Variants in TNKS observed in about 807,000 individuals in gnomAD.
TNKS encodes tankyrase, also known as poly [ADP-ribose] polymerase tankyrase-1.
Under a neutral mutation model 135.8 loss-of-function variants are expected in TNKS, and 72 were observed. The observed-to-expected ratio is 0.53, with a 90% CI of 0.44 to 0.64. The LOEUF is 0.64. TNKS is among the 30% of genes least tolerant of loss of function. The pLI is 0.00. For missense variants in TNKS, 1,769 were observed against 1,674.0 expected, an observed-to-expected ratio of 1.06 and a Z score of -0.99; for synonymous variants, 849 against 649.3, an observed-to-expected ratio of 1.31 and a Z score of -4.68.
At chr8:9,563,143 C>A (rs1189679837) in intron 1 of TNKS, among the ~76,000 whole-genome samples, 1 of 151,934 alleles carries the variant, frequency 6.6e-6, no homozygotes, top group African/African-American at 2.4e-5. Flanking sequence ...TAAGTTCATT[C>A]GCCATGTTAT....
At chr8:9,722,453 G>A (rs551593130) in intron 12 of TNKS, 2 of 151,372 alleles carry the variant, frequency 1.3e-5, no homozygotes, top group African/African-American at 4.9e-5. Flanking sequence ...CTTGAGACGG[G>A]AAGATTTAGA....
At chr8:9,648,015 A>T (rs948602773) in intron 3 of TNKS, among the ~76,000 whole-genome samples, 22 of 152,208 alleles carry the variant, frequency 1.4e-4, no homozygotes, top group African/African-American at 5.3e-4. Context: ...GAAAAGGTAC[A>T]GTAAAAATAT....
chr8:9,580,881 A>G (rs1358477452), intron 2 of TNKS, among the ~76,000 whole-genome samples: 1 of 152,206 alleles, frequency 6.6e-6, no homozygotes, highest in Non-Finnish European at 1.5e-5. Flanking sequence ...AGCAATTTCA[A>G]ACAAATTGGA....
chr8:9,729,937 C>T (rs770448482), intron 13 of TNKS, among the ~76,000 whole-genome samples: 1 of 151,858 alleles, frequency 6.6e-6, no homozygotes, highest in Non-Finnish European at 1.5e-5. Flanking sequence ...CCACCATGCC[C>T]AGCTAATTTT....
chr8:9,714,852 A>G (rs1411436966), intron 11 of TNKS, among the ~76,000 whole-genome samples: 1 of 152,222 alleles, frequency 6.6e-6, no homozygotes, highest in East Asian at 1.9e-4. Context: ...ACAGAAAGAC[A>G]TTTAATAAAA....
intron 5 of TNKS, among the ~76,000 whole-genome samples, chr8:9,693,904 G>C (rs985263300): frequency 6.6e-6 from 1 of 152,174 alleles, no homozygotes; most frequent in African/African-American, 2.4e-5. Context: ...GTGACCAACC[G>C]TCTTAGTTTG....
At chr8:9,599,802 AG>A (rs1221881914) in intron 2 of TNKS, among the ~76,000 whole-genome samples, 3 of 151,584 alleles carry the variant, frequency 2.0e-5, no homozygotes, top group East Asian at 1.9e-4. Context: ...AAAAAAAAAA[AG>A]TCTTGATTTT....
At chr8:9,765,671 C>G in intron 23 of TNKS, 21 bp from the exon 24 acceptor site, 1 of 1,593,356 alleles carries the variant, frequency 6.3e-7, no homozygotes, top group Non-Finnish European at 8.6e-7. Flanking sequence ...GATAATGTTT[C>G]TTTCTTCTTC....
chr8:9,645,558 A>G (rs1800889632), intron 3 of TNKS, among the ~76,000 whole-genome samples: 1 of 152,128 alleles, frequency 6.6e-6, no homozygotes, highest in Non-Finnish European at 1.5e-5. Flanking sequence ...GGATTTTAAA[A>G]GATTTGCAGG....
In TNKS at chr8:9,715,884, T is replaced by G. The variant is rs563227702; in HGVS notation, c.1750-4490T>G. ...AAAGACATGAAGACTTTATCCTTCA[T>G]GTGGCAATTTTTTCTTTATTATGGT... On this transcript the variant is annotated intron_variant, in intron 11 of 26. Coordinates refer to ENST00000310430, the MANE Select transcript of TNKS (RefSeq NM_003747.3). Among the ~76,000 whole-genome samples, 21 of 152,314 alleles carry G rather than the reference T, an allele frequency of 1.4e-4. 2 individuals are homozygous for G. Among genetic ancestry groups the G allele is most frequent in the African/African-American group, 5.1e-4 (21 of 41,578 alleles).
In TNKS at chr8:9,781,005, T is replaced by C. The variant is rs1225732687; in HGVS notation, c.*4269T>C. The C allele has an allele frequency of 2.0e-5, 3 of 152,196 alleles. No homozygotes were observed. Among genetic ancestry groups the C allele is most frequent in the African/African-American group, 7.2e-5 (3 of 41,434 alleles). 9.4% of individuals were successfully genotyped at this position (152,196 alleles called of 1,614,324 possible). ...GTGATATGCAAGCTGTGTTTTTTAA[T>C]TGTTTTAAAATGTAAATTATGGTTA... is the stretch of plus-strand genomic sequence containing the variant. On this transcript the variant is annotated 3_prime_UTR_variant, in exon 27 of 27. Coordinates refer to ENST00000310430, the MANE Select transcript of TNKS (RefSeq NM_003747.3).
intron 2 of TNKS, among the ~76,000 whole-genome samples, chr8:9,580,923 C>T (rs555142665): frequency 5.9e-5 from 9 of 152,226 alleles, no homozygotes; most frequent in South Asian, 2.1e-4. Flanking sequence ...CTAGATGAAA[C>T]GAAGCTGTAT....
intron 11 of TNKS, among the ~76,000 whole-genome samples, chr8:9,714,994 A>T (rs1804534546): frequency 2.6e-5 from 4 of 152,162 alleles, no homozygotes. Flanking sequence ...GAAAGAAGGG[A>T]GTTAAGGAAA....
intron 3 of TNKS, among the ~76,000 whole-genome samples, chr8:9,649,857 G>A (rs1204014535): frequency 2.1e-5 from 3 of 141,458 alleles, no homozygotes; most frequent in Non-Finnish European, 4.6e-5. Flanking sequence ...ATATACCACA[G>A]TTCTTTCTTT....
rs1266675136 is a variant in TNKS at position 9,766,291 on chromosome 8, A to G, written c.3606A>G (p.Ala1202=). Residue 1202 remains alanine, a synonymous_variant, in exon 25 of 27, where the codon GCA becomes GCG. Coordinates refer to ENST00000310430, the MANE Select transcript of TNKS (RefSeq NM_003747.3). ...IIHKGFDERH[A]YIGGMFGAGI... ...ATAAAGGGTTTGATGAGCGACATGC[A>G]TACATAGGAGGAATGTTTGGGGCCG... The G allele has an allele frequency of 1.2e-6, 2 of 1,613,760 alleles. No individual in the cohort carries two copies. Among genetic ancestry groups the G allele is most frequent in the African/African-American group, 2.7e-5 (2 of 74,886 alleles).
rs1467776316 is a variant in TNKS, at chr8:9,687,765, C to T, written c.1107+6965C>T. On this transcript the variant is annotated intron_variant, in intron 5 of 26. Coordinates refer to ENST00000310430, the MANE Select transcript of TNKS (RefSeq NM_003747.3). ...GTTTCCTGCTGTTTTCCACTTTAGA[C>T]TGCTCAAGGGACCGGAAGGGAGTTG... Among the ~76,000 whole-genome samples, 6 of 152,216 alleles carry T rather than the reference C, an allele frequency of 3.9e-5. No homozygotes were observed. The East Asian group carries it at 1.2e-3, about 29-fold the overall frequency.
At chr8:9,710,446 A>C (rs1219071536) in intron 11 of TNKS, 1 of 588,066 alleles carries the variant, frequency 1.7e-6, no homozygotes, top group Non-Finnish European at 3.0e-6. Flanking sequence ...CTGTAAAGCA[A>C]CAAAATATAG....
chr8:9,708,452 T>A lies in TNKS; in HGVS notation c.1538T>A (p.Ile513Asn). The A allele has an allele frequency of 6.2e-7, 1 of 1,609,352 alleles. No individual in the cohort carries two copies. Among genetic ancestry groups the A allele is most frequent in the Non-Finnish European group, 8.5e-7 (1 of 1,177,672 alleles). ...AKVKKTLALE[I>N]INFKQPQSHE... ...GTTAAAAAAACACTCGCTCTGGAAATCATTAATTTCAAACAACCGCAGTCT... is the reference window on the plus strand; with the variant it reads ...GTTAAAAAAACACTCGCTCTGGAAAACATTAATTTCAAACAACCGCAGTCT... The change falls in exon 9 of 27, where the codon ATC becomes AAC. Residue 513 changes from isoleucine to asparagine, a missense_variant. Physicochemically the swap from Ile to Asn is moderately radical, Grantham distance 149 (BLOSUM62 -3). Transcript: ENST00000310430.
chr8:9,655,256 G>A (rs1024704077), intron 3 of TNKS, among the ~76,000 whole-genome samples: 3 of 152,202 alleles, frequency 2.0e-5, no homozygotes, highest in African/African-American at 4.8e-5. Context: ...AACTCGAACT[G>A]GGTGGAGCCC....
Sources: allele counts gnomAD v4.1 joint callset (sites outside exome capture counted in the v4.1 genomes callset), GRCh38; gene constraint gnomAD v4.1.1; transcripts MANE v1.5; gene names NCBI Gene and HGNC (gene_info 2026-07-23, HGNC 2026-07-21).